EGFR: variants seen among roughly 807,000 people sequenced by gnomAD.
EGFR encodes the protein epidermal growth factor receptor, also known as avian erythroblastic leukemia viral (v-erb-b) oncogene homolog.
EGFR carries 58 observed loss-of-function variants against 143.0 expected under a neutral mutation model. The ratio of observed to expected loss-of-function variants is 0.41; its 90% CI spans 0.33 to 0.50. The LOEUF is 0.50. Ranked by LOEUF, EGFR falls within the 20% of genes least tolerant of loss-of-function variation. The pLI is 0.39. For missense variants in EGFR, 1,307 were observed against 1,579.0 expected (o/e 0.83, Z 2.92); for synonymous variants, 613 against 594.4 (o/e 1.03, Z -0.45).
chr7:55,132,028 CTT>C (rs914434174), intron 1 of EGFR, among the ~76,000 whole-genome samples: 2 of 141,982 alleles, frequency 1.4e-5, no homozygotes, highest in African/African-American at 2.6e-5. Context: ...TTTTGGTTGT[CTT>C]TTTTTTTTTG....
rs1785458115 is a variant in EGFR, at chr7:55,157,027, G to A, written c.1207+195G>A. The A allele has an allele frequency of 2.9e-6, 4 of 1,367,868 alleles. No homozygotes were observed. In the East Asian group the frequency reaches 7.6e-5, roughly 26 times the overall value. 84.7% of individuals were successfully genotyped at this position (1,367,868 alleles called of 1,614,324 possible). A position where few individuals can be genotyped will look rare whatever the true frequency, so the allele number is the denominator to read the frequency against. ...AGGGGACACGTTAAGTCCAGGCTTG[G>A]GTCATTCACTGCGGTGTAAACACGC... On this transcript the variant is annotated intron_variant, in intron 10 of 27. Coordinates refer to ENST00000275493, the MANE Select transcript of EGFR (RefSeq NM_005228.5).
chr7:55,064,885 A>G (rs1789408027), intron 1 of EGFR, among the ~76,000 whole-genome samples: 1 of 152,226 alleles, frequency 6.6e-6, no homozygotes, highest in Admixed American at 6.5e-5. Flanking sequence ...ATAACCTGCC[A>G]CATATACCAA....
chr7:55,203,436 A>G (rs1473241650), intron 27 of EGFR, among the ~76,000 whole-genome samples: 1 of 148,410 alleles, frequency 6.7e-6, no homozygotes, highest in Non-Finnish European at 1.5e-5. Context: ...ACAGACACGT[A>G]CACACACTAC....
At chr7:55,201,450 A>G (rs2128972009) in intron 25 of EGFR, 95 bp downstream of exon 25, 8 of 1,545,916 alleles carry the variant, frequency 5.2e-6, no homozygotes, top group South Asian at 4.5e-5. Flanking sequence ...TGAAACTCAC[A>G]TGGATATGAA....
At chr7:55,164,995 G>A (rs1450908459) in intron 14 of EGFR, among the ~76,000 whole-genome samples, 2 of 152,196 alleles carry the variant, frequency 1.3e-5, no homozygotes, top group Admixed American at 6.5e-5. Context: ...GCCAAGGAAA[G>A]ATGCCCACAA....
At chr7:55,074,257 G>A (rs1208388533) in intron 1 of EGFR, among the ~76,000 whole-genome samples, 1 of 152,344 alleles carries the variant, frequency 6.6e-6, no homozygotes, top group African/African-American at 2.4e-5. Context: ...CATGAGTCCT[G>A]TCCAGGTCCA....
At chr7:55,170,954 G>A (rs1455311159) in intron 15 of EGFR, 3 of 1,438,924 alleles carry the variant, frequency 2.1e-6, no homozygotes, top group Admixed American at 2.6e-5. Flanking sequence ...AACAACGCCT[G>A]TCACAGAGTA....
chr7:55,172,391 A>G (rs1314845648), intron 16 of EGFR, among the ~76,000 whole-genome samples: 3 of 152,202 alleles, frequency 2.0e-5, no homozygotes, highest in African/African-American at 7.2e-5. Flanking sequence ...CTGAGGCTGC[A>G]TGATGACATC....
chr7:55,137,237 G>A (rs1009033362), intron 1 of EGFR, among the ~76,000 whole-genome samples: 1 of 152,178 alleles, frequency 6.6e-6, no homozygotes, highest in Admixed American at 6.5e-5. Flanking sequence ...GAGACAACTT[G>A]GAGGCCAAGG....
intron 1 of EGFR, among the ~76,000 whole-genome samples, chr7:55,103,301 C>T (rs1281868365): frequency 6.6e-6 from 1 of 152,170 alleles, no homozygotes; most frequent in African/African-American, 2.4e-5. Flanking sequence ...GTGCTTAATA[C>T]ATGGAAAGGG....
intron 1 of EGFR, among the ~76,000 whole-genome samples, chr7:55,020,189 C>G (rs1262721528): frequency 2.0e-5 from 3 of 152,222 alleles, no homozygotes; most frequent in Non-Finnish European, 4.4e-5. Context: ...GGTGCGCCCT[C>G]GTCTTGCCTA....
intron 7 of EGFR, 53 bp from the exon 8 acceptor site, chr7:55,155,777 C>T (rs2128937192): frequency 2.0e-6 from 3 of 1,468,980 alleles, no homozygotes; most frequent in Non-Finnish European, 2.9e-6. Flanking sequence ...CTGTGTGAGG[C>T]CCGAGCACCT....
At chr7:55,043,142 T>C (rs1255532286) in intron 1 of EGFR, among the ~76,000 whole-genome samples, 1 of 152,148 alleles carries the variant, frequency 6.6e-6, no homozygotes, top group East Asian at 1.9e-4. Context: ...GGCCGTAGAC[T>C]CAATGTTAGT....
intron 7 of EGFR, 79 bp from the exon 8 acceptor site, chr7:55,155,751 A>G: frequency 9.2e-7 from 1 of 1,089,548 alleles, no homozygotes. Context: ...TCACCCCTCA[A>G]GAGGACCTGG....
intron 22 of EGFR, among the ~76,000 whole-genome samples, chr7:55,195,204 G>A (rs916897382): frequency 3.3e-5 from 5 of 152,242 alleles, no homozygotes; most frequent in Admixed American, 2.0e-4. Flanking sequence ...TAGACTATGA[G>A]TTGGGGGCAG....
chr7:55,199,825 A>G (rs1045750248), intron 23 of EGFR, among the ~76,000 whole-genome samples: 3 of 152,232 alleles, frequency 2.0e-5, no homozygotes, highest in Non-Finnish European at 4.4e-5. Context: ...ACTTGCATGC[A>G]TGCCCACTGG....
At position 55,153,850 on chromosome 7, in the gene EGFR, C is replaced by T. The variant is rs540216542; in HGVS notation, c.748-161C>T. 2.6e-5 allele frequency among the ~76,000 whole-genome samples: 4 copies of T among 152,304 alleles called. No homozygotes were observed. The East Asian group carries it at 7.7e-4, about 29-fold the overall frequency. On this transcript the variant is annotated intron_variant, in intron 6 of 27. Transcript: ENST00000275493. ...TTAGAGAAGGGTCTTTCTGACTCTG[C>T]AGAGGGCGCCAGCTGGGTTTTCCCA...
At chr7:55,136,622 A>T (rs892444396) in intron 1 of EGFR, among the ~76,000 whole-genome samples, 1 of 152,220 alleles carries the variant, frequency 6.6e-6, no homozygotes, top group African/African-American at 2.4e-5. Flanking sequence ...CTACAGTTTG[A>T]CTTAAGATTT....
intron 15 of EGFR, chr7:55,168,562 T>A: frequency 6.2e-7 from 1 of 1,611,130 alleles, no homozygotes; most frequent in African/African-American, 1.4e-5. Flanking sequence ...AGTCTCCCAC[T>A]AAAACTGCAT....
Sources: allele counts gnomAD v4.1 joint callset (sites outside exome capture counted in the v4.1 genomes callset), GRCh38; gene constraint gnomAD v4.1.1; transcripts MANE v1.5; gene names NCBI Gene and HGNC (gene_info 2026-07-23, HGNC 2026-07-21).